The following GPM6A variants were observed in gnomAD, a reference collection of about 807,000 sequenced individuals.
The protein encoded by GPM6A is neuronal membrane glycoprotein M6-a.
A neutral mutation model predicts 32.1 loss-of-function variants in GPM6A; 7 were observed. The ratio of observed to expected loss-of-function variants is 0.22; its 90% CI spans 0.12 to 0.41. The LOEUF is 0.41. Ranked by LOEUF, GPM6A falls within the 10% of genes least tolerant of loss-of-function variation. The pLI, the probability that GPM6A is intolerant of heterozygous loss-of-function variation, is 1.00. For synonymous variants in GPM6A, 130 were observed against 123.4 expected, an observed-to-expected ratio of 1.05 and a Z score of -0.35; for missense variants, 235 against 347.2, an observed-to-expected ratio of 0.68 and a Z score of 2.57.
intron 1 of GPM6A, among the ~76,000 whole-genome samples, chr4:175,751,306 A>T (rs1732326859): frequency 1.3e-5 from 2 of 152,190 alleles, no homozygotes; most frequent in African/African-American, 4.8e-5. Context: ...AGGACATATG[A>T]AATGAAAATC....
chr4:175,925,630 G>A (rs1242756427), intron 1 of GPM6A, among the ~76,000 whole-genome samples: 1 of 152,040 alleles, frequency 6.6e-6, no homozygotes, highest in African/African-American at 2.4e-5. Context: ...GTGAATACAA[G>A]TCTTATTGTA....
intron 1 of GPM6A, among the ~76,000 whole-genome samples, chr4:175,865,090 C>T (rs1231961646): frequency 6.6e-6 from 1 of 152,146 alleles, no homozygotes; most frequent in Admixed American, 6.5e-5. Flanking sequence ...GGATTACAGG[C>T]GTGAGTCACT....
At chr4:175,992,568 A>C (rs942495396) in intron 1 of GPM6A, among the ~76,000 whole-genome samples, 1 of 152,206 alleles carries the variant, frequency 6.6e-6, no homozygotes. Flanking sequence ...ATCTTACAGG[A>C]CCAAGGTAGC....
At chr4:175,687,069 A>C (rs146184202) in intron 2 of GPM6A, among the ~76,000 whole-genome samples, 5 of 152,320 alleles carry the variant, frequency 3.3e-5, no homozygotes, top group African/African-American at 9.6e-5. Context: ...TCTCTACCAG[A>C]CTTCAGAACA....
chr4:175,804,595 T>C (rs895461115), intron 1 of GPM6A, among the ~76,000 whole-genome samples: 1 of 152,112 alleles, frequency 6.6e-6, no homozygotes, highest in East Asian at 1.9e-4. Flanking sequence ...AGACACTGCA[T>C]ATGAAATGCT....
chr4:175,983,065 C>T (rs1166553828), intron 1 of GPM6A, among the ~76,000 whole-genome samples: 1 of 152,136 alleles, frequency 6.6e-6, no homozygotes, highest in African/African-American at 2.4e-5. Context: ...TTGCAGGCTG[C>T]ATCCCTGGTA....
chr4:175,674,122 C>T (rs1412919463), intron 2 of GPM6A, among the ~76,000 whole-genome samples: 1 of 152,152 alleles, frequency 6.6e-6, no homozygotes, highest in Non-Finnish European at 1.5e-5. Flanking sequence ...CCAAAGTAAG[C>T]TGGAATAAGC....
chr4:175,863,352 A>AT (rs1736629906), intron 1 of GPM6A, among the ~76,000 whole-genome samples: 1 of 152,018 alleles, frequency 6.6e-6, no homozygotes, highest in South Asian at 2.1e-4. Flanking sequence ...GTTTTTGTGG[A>AT]TTTTTTTCAC....
At chr4:175,855,205 C>A (rs887988415) in intron 1 of GPM6A, among the ~76,000 whole-genome samples, 3 of 152,044 alleles carry the variant, frequency 2.0e-5, no homozygotes, top group Non-Finnish European at 4.4e-5. Flanking sequence ...AATATACTCT[C>A]AAAAAGAAAG....
At chr4:175,878,625 C>A (rs749413153) in intron 1 of GPM6A, among the ~76,000 whole-genome samples, 7 of 152,154 alleles carry the variant, frequency 4.6e-5, no homozygotes, top group Non-Finnish European at 8.8e-5. Flanking sequence ...GGGCCTGGCT[C>A]AAAAGATCAT....
chr4:175,653,561 T>TA lies in GPM6A; in HGVS notation c.388-1575dup, dbSNP rs1741920347. On this transcript the variant is annotated intron_variant, in intron 3 of 6. Coordinates refer to ENST00000393658, the MANE Select transcript of GPM6A (RefSeq NM_201591.3). ...TTAGCAAATAAAATTTGCTGAATATTAATTTATTTAAATCACCGAAGGAAG... is the reference window on the plus strand; with the variant it reads ...TTAGCAAATAAAATTTGCTGAATATTAAATTTATTTAAATCACCGAAGGAAG... 2.0e-5 allele frequency among the ~76,000 whole-genome samples: 3 copies of TA among 152,158 alleles called. No homozygotes were observed. The South Asian group carries it at 6.2e-4, about 31-fold the overall frequency.
At chr4:175,799,430 T>G (rs376051372) in intron 1 of GPM6A, among the ~76,000 whole-genome samples, 9 of 152,288 alleles carry the variant, frequency 5.9e-5, no homozygotes, top group African/African-American at 1.9e-4. Flanking sequence ...CACTAAGAAC[T>G]GCTTGAATCT....
intron 1 of GPM6A, among the ~76,000 whole-genome samples, chr4:175,762,490 T>C (rs1304493326): frequency 6.6e-6 from 1 of 152,232 alleles, no homozygotes; most frequent in Admixed American, 6.5e-5. Flanking sequence ...GCTAGTCTTT[T>C]ATCGAGTATT....
chr4:175,815,034 G>A (rs1380580871), upstream of GPM6A, among the ~76,000 whole-genome samples: 1 of 151,316 alleles, frequency 6.6e-6, no homozygotes, highest in African/African-American at 2.4e-5. Flanking sequence ...TTTTTGAGAT[G>A]GAGTCTCGTT....
intron 1 of GPM6A, among the ~76,000 whole-genome samples, chr4:175,936,662 T>C (rs1198681237): frequency 6.6e-6 from 1 of 151,908 alleles, no homozygotes; most frequent in Non-Finnish European, 1.5e-5. Flanking sequence ...CCTAACAAGA[T>C]ATCAAACCAG....
At chr4:175,779,824 G>A (rs1733545698) in intron 1 of GPM6A, among the ~76,000 whole-genome samples, 1 of 152,018 alleles carries the variant, frequency 6.6e-6, no homozygotes, top group Non-Finnish European at 1.5e-5. Context: ...AAATATGAGG[G>A]TAAAATTTTA....
intron 1 of GPM6A, among the ~76,000 whole-genome samples, chr4:175,725,590 T>C (rs1464118363): frequency 6.6e-6 from 1 of 152,088 alleles, no homozygotes; most frequent in African/African-American, 2.4e-5. Context: ...CCACACCTAA[T>C]CCCATTTTCT....
At chr4:175,737,217 T>A (rs141691807) in intron 1 of GPM6A, among the ~76,000 whole-genome samples, 1 of 152,278 alleles carries the variant, frequency 6.6e-6, no homozygotes, top group East Asian at 1.9e-4. Context: ...AGCATTGCTA[T>A]AAAGGAATTC....
chr4:175,902,001 T>C (rs1331617216), intron 1 of GPM6A, among the ~76,000 whole-genome samples: 2 of 152,114 alleles, frequency 1.3e-5, no homozygotes, highest in African/African-American at 4.8e-5. Flanking sequence ...TAGATTTTTA[T>C]CCAATAGAAA....
Sources: allele counts gnomAD v4.1 joint callset (sites outside exome capture counted in the v4.1 genomes callset), GRCh38; gene constraint gnomAD v4.1.1; transcripts MANE v1.5; gene names NCBI Gene and HGNC (gene_info 2026-07-23, HGNC 2026-07-21).